Variants in LRRK2 observed in about 807,000 individuals in gnomAD.
LRRK2 encodes leucine rich repeat kinase 2, also known as leucine-rich repeat serine/threonine-protein kinase 2.
LRRK2 carries 203 observed loss-of-function variants against 302.6 expected under a neutral mutation model. That is an observed-to-expected ratio of 0.67 (90% confidence interval 0.60 to 0.75). The LOEUF is 0.75. Ranked by LOEUF, LRRK2 falls within the 30% of genes least tolerant of loss-of-function variation. The pLI is 0.00. For missense variants in LRRK2, 2,830 were observed against 2,951.0 expected, an observed-to-expected ratio of 0.96 and a Z score of 0.95; for synonymous variants, 1,066 against 1,031.9, an observed-to-expected ratio of 1.03 and a Z score of -0.63.
Position 40,322,147 on chromosome 12 carries a change from T to C in LRRK2, c.5283T>C (p.Ser1761=). Residue 1761 remains serine, a synonymous_variant, in exon 36 of 51, where the codon AGT becomes AGC. Transcript: ENST00000298910. ...GSEVLDNHPE[S]FLKITVPSCR... Reference sequence around the variant, plus strand: ...AAGTCTTAGACAATCATCCAGAGAGTTTCTTAAAAATTACAGTTCCTTCTT... The same window carrying C: ...AAGTCTTAGACAATCATCCAGAGAGCTTCTTAAAAATTACAGTTCCTTCTT... The C allele has an allele frequency of 1.2e-6, 2 of 1,612,658 alleles. No individual in the cohort carries two copies. Among genetic ancestry groups the C allele is most frequent in the Non-Finnish European group, 1.7e-6 (2 of 1,179,242 alleles).
In LRRK2 at chr12:40,309,212, G is replaced by A; in HGVS notation, c.4296G>A (p.Lys1432=). 2 of 1,613,812 alleles carry A rather than the reference G, an allele frequency of 1.2e-6. No individual in the cohort carries two copies. The change falls in exon 30 of 51, where the codon AAG becomes AAA. Residue 1432 remains lysine, a synonymous_variant. Transcript: ENST00000298910. ...SKGQAEVDAM[K]PWLFNIKARA... ...GACAGGCTGAAGTTGATGCCATGAA[G>A]CCTTGGCTCTTCAATATAAAGGTGA...
chr12:40,286,115 T>G (rs980187855), intron 19 of LRRK2, among the ~76,000 whole-genome samples: 1 of 151,832 alleles, frequency 6.6e-6, no homozygotes, highest in Non-Finnish European at 1.5e-5. Context: ...CTGTCTGGAG[T>G]TTTTACCATT....
In LRRK2 at chr12:40,320,047, A is replaced by C; in HGVS notation, c.4887A>C (p.Arg1629Ser). The C allele has an allele frequency of 6.2e-7, 1 of 1,611,890 alleles. No individual in the cohort carries two copies. The highest frequency in any genetic ancestry group is 8.5e-7 in the Non-Finnish European group (1 of 1,178,688). ...ACCCTAAGGGCATTATTTCGCGTAG[A>C]GATGTGGAAAAATTTCTTTCAAAAA... Reference protein sequence around the residue: ...PKHPKGIISRRDVEKFLSKKR... With the variant: ...PKHPKGIISRSDVEKFLSKKR... The change falls in exon 34 of 51, where the codon AGA becomes AGC. Residue 1629 changes from arginine (R) to serine (S), a missense_variant. Arg to Ser is a moderately radical substitution (Grantham distance 110, BLOSUM62 -1). Transcript: ENST00000298910.
intron 39 of LRRK2, among the ~76,000 whole-genome samples, chr12:40,334,122 A>G (rs2896976): frequency 0.98 from 149,352 of 152,264 alleles, 73,260 homozygotes; most frequent in East Asian, 1. Flanking sequence ...AGAGATTATA[A>G]GCAGGTTTTA....
intron 2 of LRRK2, among the ~76,000 whole-genome samples, chr12:40,230,413 T>C (rs984279802): frequency 5.3e-5 from 8 of 152,210 alleles, no homozygotes; most frequent in African/African-American, 1.7e-4. Context: ...ACTTTACTTA[T>C]GCATCCAGCC....
chr12:40,285,806 G>A (rs994980986), intron 19 of LRRK2, among the ~76,000 whole-genome samples: 1 of 151,716 alleles, frequency 6.6e-6, no homozygotes, highest in Non-Finnish European at 1.5e-5. Flanking sequence ...ACATTACTCC[G>A]TGGCAAAAAA....
Position 40,304,288 on chromosome 12 carries a change from C to G in LRRK2, c.3777+154C>G, listed in dbSNP as rs1944730829. The G allele has an allele frequency of 1.1e-5, 8 of 698,768 alleles. No homozygotes were observed. In the South Asian group the frequency reaches 1.6e-4, roughly 14 times the overall value. The allele number at this position is 698,768 out of a possible 1,614,324, so 43.3% of individuals were successfully genotyped here. ...TCCTGTCAACTATAAATCCAGATTT[C>G]CATTAAATTTAAAAATAAGAACAGC... On this transcript the variant is annotated intron_variant, in intron 27 of 50. Coordinates refer to ENST00000298910, the MANE Select transcript of LRRK2 (RefSeq NM_198578.4).
intron 14 of LRRK2, among the ~76,000 whole-genome samples, chr12:40,273,290 T>A (rs751115003): frequency 6.6e-6 from 1 of 152,158 alleles, no homozygotes; most frequent in Non-Finnish European, 1.5e-5. Context: ...CTAAATTTAA[T>A]TGGCCTCCAA....
chr12:40,284,162 A>G (rs1404343666), intron 19 of LRRK2, 29 bp downstream of exon 19: 9 of 1,573,380 alleles, frequency 5.7e-6, no homozygotes, highest in African/African-American at 1.4e-5. Context: ...ATTTTTTACA[A>G]TTCTTATTTT....
rs574074112 is a variant in LRRK2, at chr12:40,253,736, G to A, written c.1288+720G>A. 1.7e-3 allele frequency among the ~76,000 whole-genome samples: 259 copies of A among 152,226 alleles called. 2 individuals carry two copies. The highest frequency in any genetic ancestry group is 6.1e-3 in the African/African-American group (253 of 41,540). ...AGTGCTTGCCTGTATTCTGTTTTAT[G>A]AACCAATTTCTTACTGATGAAGTTT... is the stretch of plus-strand genomic sequence containing the variant. On this transcript the variant is annotated intron_variant, in intron 11 of 50. Transcript: ENST00000298910.
At chr12:40,354,211 G>A (rs1018590555) in intron 44 of LRRK2, 88 bp from the exon 45 acceptor site, 2 of 1,106,096 alleles carry the variant, frequency 1.8e-6, no homozygotes, top group East Asian at 5.0e-5. Context: ...AAAGAGTTAT[G>A]TTGATAACAG....
In LRRK2 at chr12:40,294,848, C is replaced by T; in HGVS notation, c.2812C>T (p.Pro938Ser). ...ATTATAAATTATTTTTTAATAGGGGCCCATTTTTGATCATGAAGATTTACT... is the reference window on the plus strand; with the variant it reads ...ATTATAAATTATTTTTTAATAGGGGTCCATTTTTGATCATGAAGATTTACT... Reference protein sequence around the residue: ...NLQRHSNSLGPIFDHEDLLKR... With the variant: ...NLQRHSNSLGSIFDHEDLLKR... The change falls in exon 22 of 51, where the codon CCC becomes TCC. Residue 938 changes from proline (P) to serine (S), a missense_variant. Coordinates refer to ENST00000298910, the MANE Select transcript of LRRK2 (RefSeq NM_198578.4). 4 of 1,517,782 alleles carry T rather than the reference C, an allele frequency of 2.6e-6. No individual in the cohort carries two copies. Among genetic ancestry groups the T allele is most frequent in the Non-Finnish European group, 3.6e-6 (4 of 1,097,806 alleles). The allele number at this position is 1,517,782 out of a possible 1,614,324, so 94.0% of individuals were successfully genotyped here. A position where few individuals can be genotyped will look rare whatever the true frequency, so the allele number is the denominator to read the frequency against.
intron 33 of LRRK2, among the ~76,000 whole-genome samples, chr12:40,319,318 A>C (rs768455412): frequency 7.9e-5 from 12 of 152,088 alleles, no homozygotes; most frequent in Non-Finnish European, 1.6e-4. Flanking sequence ...CCAAGGTTAC[A>C]GAGCTAGTAG....
At chr12:40,352,156 T>C (rs1249279693) in intron 44 of LRRK2, among the ~76,000 whole-genome samples, 1 of 152,200 alleles carries the variant, frequency 6.6e-6, no homozygotes, top group African/African-American at 2.4e-5. Context: ...TATTGTTCAG[T>C]CATTGGCTGC....
At position 40,274,556 on chromosome 12, in the gene LRRK2, T is replaced by TA. The variant is rs748948252; in HGVS notation, c.1657-25dup. ...AAGGTAAGTATTAAGATCTCATTTTTAACAGCGAGTATTCTTTTGATTTTA... is the reference window on the plus strand; with the variant it reads ...AAGGTAAGTATTAAGATCTCATTTTTAAACAGCGAGTATTCTTTTGATTTTA... On this transcript the variant is annotated intron_variant, in intron 14 of 50. Transcript: ENST00000298910. The TA allele has an allele frequency of 4.2e-5, 68 of 1,611,952 alleles. No individual in the cohort carries two copies. The African/African-American group carries it at 8.8e-4, about 21-fold the overall frequency.
At chr12:40,260,734 G>A (rs1174860038) in intron 13 of LRRK2, among the ~76,000 whole-genome samples, 2 of 152,102 alleles carry the variant, frequency 1.3e-5, no homozygotes, top group East Asian at 1.9e-4. Context: ...TGGGTTGGAG[G>A]TCCATGGTAG....
rs763028529 is a variant in LRRK2 at position 40,322,327 on chromosome 12, C to A, written c.5326C>A (p.Leu1776Ile). ...TGTTTTGAATCATGTAGGCTGTATT[C>A]TTTTGGGCCAAGTTGTGGACCACAT... is the stretch of plus-strand genomic sequence containing the variant. Reference protein sequence around the residue: ...TVPSCRKGCILLGQVVDHIDS... With the variant: ...TVPSCRKGCIILGQVVDHIDS... The change falls in exon 37 of 51, where the codon CTT (leucine) becomes ATT (isoleucine). Residue 1776 changes from leucine to isoleucine, a missense_variant. Physicochemically the swap from Leu to Ile is conservative, Grantham distance 5 (BLOSUM62 2). Coordinates refer to ENST00000298910, the MANE Select transcript of LRRK2 (RefSeq NM_198578.4). 1 of 1,613,062 alleles carries A rather than the reference C, an allele frequency of 6.2e-7. No homozygotes were observed. Among genetic ancestry groups the A allele is most frequent in the South Asian group, 1.1e-5 (1 of 91,050 alleles).
chr12:40,256,651 G>T (rs1942523931), intron 11 of LRRK2, among the ~76,000 whole-genome samples: 1 of 152,120 alleles, frequency 6.6e-6, no homozygotes, highest in Non-Finnish European at 1.5e-5. Flanking sequence ...GGCATATATA[G>T]AAATTATAAT....
intron 7 of LRRK2, among the ~76,000 whole-genome samples, chr12:40,247,333 G>A (rs1942028626): frequency 6.6e-6 from 1 of 151,304 alleles, no homozygotes; most frequent in Non-Finnish European, 1.5e-5. Flanking sequence ...GTTGTTATAT[G>A]ACTAAAACTG....
Sources: gnomAD v4.1 joint callset for allele counts (sites outside exome capture counted in the v4.1 genomes callset) on GRCh38, gnomAD v4.1.1 for gene constraint, MANE v1.5 for transcripts, NCBI Gene and HGNC (gene_info 2026-07-23, HGNC 2026-07-21) for gene names.